The following SGMS1 variants were observed in gnomAD, a reference collection of about 807,000 sequenced individuals.
The protein encoded by SGMS1 is phosphatidylcholine:ceramide cholinephosphotransferase 1.
In SGMS1, 13 loss-of-function variants were observed where a neutral mutation model predicts 46.2. That is an observed-to-expected ratio of 0.28 (90% CI 0.18 to 0.45). SGMS1 has a LOEUF of 0.45. Among genes scored for constraint, SGMS1 ranks in the 20% least tolerant of loss-of-function variants. The pLI, the probability that SGMS1 is intolerant of heterozygous loss-of-function variation, is 1.00. For synonymous variants in SGMS1, 203 were observed against 187.8 expected (o/e 1.08, Z -0.66); for missense variants, 324 against 519.9 (o/e 0.62, Z 3.66).
chr10:50,444,832 C>T (rs534679266), intron 5 of SGMS1, among the ~76,000 whole-genome samples: 1 of 151,962 alleles, frequency 6.6e-6, no homozygotes, highest in Non-Finnish European at 1.5e-5. Context: ...ATGAGGTAGA[C>T]AAAATACTAC....
At chr10:50,527,458 G>A (rs571054509) in intron 2 of SGMS1, among the ~76,000 whole-genome samples, 7 of 152,276 alleles carry the variant, frequency 4.6e-5, no homozygotes, top group Non-Finnish European at 7.3e-5. Context: ...GAGGCACAGA[G>A]AGAAAATATA....
At chr10:50,339,744 G>C (rs1331024934) in intron 7 of SGMS1, among the ~76,000 whole-genome samples, 1 of 152,176 alleles carries the variant, frequency 6.6e-6, no homozygotes, top group African/African-American at 2.4e-5. Context: ...TGATGAATAG[G>C]GTCTAGTTCT....
At chr10:50,408,302 A>T (rs1052599483) in intron 6 of SGMS1, among the ~76,000 whole-genome samples, 2 of 151,964 alleles carry the variant, frequency 1.3e-5, no homozygotes, top group Admixed American at 1.3e-4. Context: ...TTCTAGTCAC[A>T]GTTTAAAAAC....
intron 6 of SGMS1, among the ~76,000 whole-genome samples, chr10:50,410,420 C>T (rs748024521): frequency 2.0e-5 from 3 of 152,164 alleles, no homozygotes; most frequent in Non-Finnish European, 4.4e-5. Flanking sequence ...AGCATTCATA[C>T]TGACCACACT....
upstream of SGMS1, chr10:50,624,522 G>A (rs1838896804): frequency 1.1e-6 from 1 of 914,012 alleles, no homozygotes; most frequent in African/African-American, 1.8e-5. Flanking sequence ...CGACGCCTGG[G>A]AGCGCGACGG....
At chr10:50,384,739 T>G (rs969262172) in intron 6 of SGMS1, among the ~76,000 whole-genome samples, 1 of 152,146 alleles carries the variant, frequency 6.6e-6, no homozygotes, top group Admixed American at 6.6e-5. Context: ...CATGACCCAC[T>G]GTGCCCGGCC....
At chr10:50,472,124 T>C (rs886371627) in intron 3 of SGMS1, among the ~76,000 whole-genome samples, 1 of 152,164 alleles carries the variant, frequency 6.6e-6, no homozygotes, top group Non-Finnish European at 1.5e-5. Context: ...ATTTATGGAG[T>C]ATAATGTGAT....
At chr10:50,438,607 G>A (rs2133630977) in intron 5 of SGMS1, among the ~76,000 whole-genome samples, 1 of 152,316 alleles carries the variant, frequency 6.6e-6, no homozygotes, top group South Asian at 2.1e-4. Context: ...ATAATTTTGT[G>A]ATTGATTAAG....
chr10:50,486,868 T>C (rs993124945), intron 3 of SGMS1, among the ~76,000 whole-genome samples: 5 of 152,248 alleles, frequency 3.3e-5, no homozygotes, highest in African/African-American at 1.2e-4. Flanking sequence ...CATATGTTCA[T>C]TGCAGCACTA....
intron 2 of SGMS1, 148 bp from the exon 3 acceptor site, chr10:50,520,069 A>T (rs1837844345): frequency 2.0e-5 from 3 of 152,178 alleles, no homozygotes; most frequent in Admixed American, 6.6e-5. Flanking sequence ...AGGAAACTCT[A>T]CCTCAGTCTA....
At chr10:50,465,702 G>T (rs757734839) in intron 4 of SGMS1, among the ~76,000 whole-genome samples, 2 of 151,994 alleles carry the variant, frequency 1.3e-5, no homozygotes, top group Non-Finnish European at 2.9e-5. Context: ...GAATGGGGGG[G>T]AAATTATCAA....
At chr10:50,463,877 G>A (rs936113488) in intron 4 of SGMS1, among the ~76,000 whole-genome samples, 2 of 152,158 alleles carry the variant, frequency 1.3e-5, no homozygotes, top group African/African-American at 4.8e-5. Context: ...CTGCAACATG[G>A]ATGAACCCTG....
chr10:50,541,200 G>A (rs1838048810), intron 2 of SGMS1, among the ~76,000 whole-genome samples: 1 of 152,124 alleles, frequency 6.6e-6, no homozygotes, highest in South Asian at 2.1e-4. Context: ...TCTATTTTCC[G>A]ATTCTAGTTA....
At chr10:50,599,884 AAAGAAAGAAGTACT>A (rs1356287914) in intron 1 of SGMS1, among the ~76,000 whole-genome samples, 1 of 152,184 alleles carries the variant, frequency 6.6e-6, no homozygotes, top group Non-Finnish European at 1.5e-5. Flanking sequence ...AAAAAGAAAG[AAAGAAAGAAGTACT>A]AAGATTTTAT....
At chr10:50,330,841 T>C (rs1014179086) in intron 7 of SGMS1, among the ~76,000 whole-genome samples, 4 of 152,172 alleles carry the variant, frequency 2.6e-5, no homozygotes, top group Admixed American at 2.6e-4. Context: ...ATTCCAGCTG[T>C]AAAACATGAA....
intron 2 of SGMS1, among the ~76,000 whole-genome samples, chr10:50,530,012 A>T (rs548872662): frequency 6.6e-6 from 1 of 152,340 alleles, no homozygotes; most frequent in East Asian, 1.9e-4. Flanking sequence ...AAAGCAGCAC[A>T]GGCCCTCTGT....
At chr10:50,311,173 G>C in intron 9 of SGMS1, 89 bp downstream of exon 9, 1 of 1,500,360 alleles carries the variant, frequency 6.7e-7, no homozygotes. Context: ...TGCTTCAGCA[G>C]ATTTTCCAGA....
rs7079563 is a variant in SGMS1 at position 50,328,878 on chromosome 10, G to A, written c.624-1556C>T. ...ACCAGCCTATAAATGTCTTTGCCAAGAACACCAAAAAAGAAATACCAAAGT... is the reference window on the plus strand; with the variant it reads ...ACCAGCCTATAAATGTCTTTGCCAAAAACACCAAAAAAGAAATACCAAAGT... On this transcript the variant is annotated intron_variant, in intron 7 of 10. Coordinates refer to ENST00000361781, the MANE Select transcript of SGMS1 (RefSeq NM_147156.4). Among the ~76,000 whole-genome samples the A allele has an allele frequency of 1.3e-3, 204 of 152,238 alleles. 2 individuals carry two copies. The highest frequency in any genetic ancestry group is 4.4e-3 in the African/African-American group (183 of 41,542).
At chr10:50,551,958 G>C (rs1343828103) in intron 2 of SGMS1, among the ~76,000 whole-genome samples, 3 of 152,134 alleles carry the variant, frequency 2.0e-5, no homozygotes, top group African/African-American at 7.2e-5. Flanking sequence ...TTGTGTAAAA[G>C]CTCAGATTTT....
Sources: allele counts gnomAD v4.1 joint callset (sites outside exome capture counted in the v4.1 genomes callset), GRCh38; gene constraint gnomAD v4.1.1; transcripts MANE v1.5; gene names NCBI Gene and HGNC (gene_info 2026-07-23, HGNC 2026-07-21).